The following PHYHIPL variants were observed in gnomAD, a reference collection of about 807,000 sequenced individuals.
PHYHIPL encodes phytanoyl-CoA 2-hydroxylase interacting protein like.
In PHYHIPL, 9 loss-of-function variants were observed where a neutral mutation model predicts 33.4. The ratio of observed to expected loss-of-function variants is 0.27; its 90% CI spans 0.16 to 0.47. The LOEUF is 0.47. PHYHIPL is among the 20% of genes least tolerant of loss of function. The pLI is 0.99. For synonymous variants in PHYHIPL, 153 were observed against 154.1 expected (o/e 0.99, Z 0.05); for missense variants, 365 against 460.7 (o/e 0.79, Z 1.90).
chr10:59,176,742 G>C lies in PHYHIPL; in HGVS notation c.-112G>C. 1.0e-6 allele frequency: 1 copy of C among 977,746 alleles called. No homozygotes were observed. Among genetic ancestry groups the C allele is most frequent in the Non-Finnish European group, 1.5e-6 (1 of 667,044 alleles). The allele number at this position is 977,746 out of a possible 1,614,324, so 60.6% of individuals were successfully genotyped here. ...TCGGCGCCGCATCACCGCGTCCCAG[G>C]CCTCCTTCCCTCCCTCTGCCACTCC... is the stretch of plus-strand genomic sequence containing the variant. On this transcript the variant is annotated 5_prime_UTR_variant, in exon 1 of 5. Transcript: ENST00000373880.
intron 1 of PHYHIPL, among the ~76,000 whole-genome samples, chr10:59,224,507 C>CA (rs915830217): frequency 1.3e-5 from 2 of 151,298 alleles, no homozygotes; most frequent in Admixed American, 6.6e-5. Flanking sequence ...AAAAACAAAA[C>CA]AAAAAACAAA....
Position 59,195,560 on chromosome 10 carries a change from T to C in PHYHIPL, c.106+18601T>C, listed in dbSNP as rs1838888727. ...ATGTCTTCAGAGATAAGGATATTCT[T>C]TTCCTCCAGGTATAGGGAGGCCATC... On this transcript the variant is annotated intron_variant, in intron 1 of 4. Transcript: ENST00000373880. Among the ~76,000 whole-genome samples the C allele has an allele frequency of 2.0e-5, 3 of 152,170 alleles. No homozygotes were observed. In the South Asian group the frequency reaches 6.2e-4, roughly 32 times the overall value.
intron 4 of PHYHIPL, among the ~76,000 whole-genome samples, chr10:59,243,170 T>C (rs768076004): frequency 2.6e-5 from 4 of 150,952 alleles, no homozygotes; most frequent in Non-Finnish European, 5.9e-5. Context: ...CAAGACACCT[T>C]ATGTATAAGG....
intron 2 of PHYHIPL, 120 bp downstream of exon 2, chr10:59,234,620 AAAT>A: frequency 1.6e-6 from 1 of 624,148 alleles, no homozygotes; most frequent in East Asian, 3.5e-5. Flanking sequence ...ACTTGGGAAA[AAAT>A]AAAGATTATA....
chr10:59,231,763 G>A (rs1403062922), intron 1 of PHYHIPL, among the ~76,000 whole-genome samples: 1 of 151,986 alleles, frequency 6.6e-6, no homozygotes, highest in Non-Finnish European at 1.5e-5. Flanking sequence ...TTTAATCCCT[G>A]ATAGTAGAGA....
Position 59,245,965 on chromosome 10 carries a change from T to C in PHYHIPL, c.*374T>C, listed in dbSNP as rs183135127. On this transcript the variant is annotated 3_prime_UTR_variant, in exon 5 of 5. Coordinates refer to ENST00000373880, the MANE Select transcript of PHYHIPL (RefSeq NM_032439.4). Reference sequence around the variant, plus strand: ...TAAATATGCATTCATTTTAATCTACTGAACAAATATTGGGATAACTCCAAA... The same window carrying C: ...TAAATATGCATTCATTTTAATCTACCGAACAAATATTGGGATAACTCCAAA... The C allele has an allele frequency of 2.8e-4, 47 of 169,040 alleles. No individual in the cohort carries two copies. The highest frequency in any genetic ancestry group is 5.0e-4 in the Non-Finnish European group (39 of 78,648). 10.5% of individuals were successfully genotyped at this position (169,040 alleles called of 1,614,324 possible).
chr10:59,199,018 C>G (rs1839014605), intron 1 of PHYHIPL, among the ~76,000 whole-genome samples: 1 of 152,086 alleles, frequency 6.6e-6, no homozygotes, highest in Admixed American at 6.6e-5. Context: ...CCTGTTCACT[C>G]TGATGGTAGT....
intron 1 of PHYHIPL, among the ~76,000 whole-genome samples, chr10:59,211,592 T>A (rs1839442324): frequency 7.4e-6 from 1 of 134,638 alleles, no homozygotes; most frequent in Non-Finnish European, 1.5e-5. Context: ...GTCAGGCTGG[T>A]CTAGAATTCC....
intron 1 of PHYHIPL, chr10:59,177,438 A>G (rs1353722090): frequency 1.1e-5 from 17 of 1,494,406 alleles, no homozygotes; most frequent in Non-Finnish European, 1.5e-5. Context: ...GACTCCCCAA[A>G]TTAACAAGTC....
At position 59,238,669 on chromosome 10, in the gene PHYHIPL, A is replaced by G; in HGVS notation, c.560A>G (p.Tyr187Cys). Reference protein sequence around the residue: ...AGRMLKFSVFYRNQHKEYFDY... With the variant: ...AGRMLKFSVFCRNQHKEYFDY... The stretch of plus-strand genomic sequence containing the variant: ...CGCATGCTTAAGTTTTCTGTTTTTT[A>G]TCGTAATCAGCACAAAGAATATTTT... The change falls in exon 4 of 5, where the codon TAT becomes TGT. Residue 187 changes from tyrosine (Y) to cysteine (C), a missense_variant. Physicochemically the swap from Tyr to Cys is radical, Grantham distance 194 (BLOSUM62 -2). This residue lies in a region of PHYHIPL where 196 missense variants were observed against 224.9 expected (regional missense o/e 0.87). Transcript: ENST00000373880. 6.2e-7 allele frequency: 1 copy of G among 1,602,672 alleles called. No homozygotes were observed. The highest frequency in any genetic ancestry group is 8.5e-7 in the Non-Finnish European group (1 of 1,170,136).
At position 59,247,176 on chromosome 10, in the gene PHYHIPL, A is replaced by G. The variant is rs891904859; in HGVS notation, c.*1585A>G. 6.2e-6 allele frequency: 1 copy of G among 162,110 alleles called. No individual in the cohort carries two copies. The highest frequency in any genetic ancestry group is 2.4e-5 in the African/African-American group (1 of 41,652). 10.0% of individuals were successfully genotyped at this position (162,110 alleles called of 1,614,324 possible). On this transcript the variant is annotated 3_prime_UTR_variant, in exon 5 of 5. Coordinates refer to ENST00000373880, the MANE Select transcript of PHYHIPL (RefSeq NM_032439.4). ...AATAAATTGCTTTCTTGCTAGCTGTATTCCTTCCTACTTGAAAAGCGAATT... is the reference window on the plus strand; with the variant it reads ...AATAAATTGCTTTCTTGCTAGCTGTGTTCCTTCCTACTTGAAAAGCGAATT...
At position 59,177,708 on chromosome 10, in the gene PHYHIPL, C is replaced by T; in HGVS notation, c.106+749C>T. 4 of 1,436,924 alleles carry T rather than the reference C, an allele frequency of 2.8e-6. No homozygotes were observed. The South Asian group carries it at 3.7e-5, about 13-fold the overall frequency. The allele number at this position is 1,436,924 out of a possible 1,614,324, so 89.0% of individuals were successfully genotyped here. ...GGAAGGAAATTGATTGAATACAGGTCTGAGCGTTGAAGACATAAGCTAGTG... is the reference window on the plus strand; with the variant it reads ...GGAAGGAAATTGATTGAATACAGGTTTGAGCGTTGAAGACATAAGCTAGTG... On this transcript the variant is annotated intron_variant, in intron 1 of 4. Transcript: ENST00000373880.
At chr10:59,199,356 C>T (rs967134786) in intron 1 of PHYHIPL, among the ~76,000 whole-genome samples, 4 of 152,102 alleles carry the variant, frequency 2.6e-5, no homozygotes, top group African/African-American at 9.7e-5. Context: ...TGTCAAAGAT[C>T]AGATGGTTGT....
At chr10:59,244,852 A>G (rs1445951202) in intron 4 of PHYHIPL, among the ~76,000 whole-genome samples, 1 of 152,186 alleles carries the variant, frequency 6.6e-6, no homozygotes, top group African/African-American at 2.4e-5. Context: ...CAAGGCTTGT[A>G]GCAGCTCATC....
At chr10:59,205,875 A>G in intron 1 of PHYHIPL, among the ~76,000 whole-genome samples, 1 of 152,286 alleles carries the variant, frequency 6.6e-6, no homozygotes. Context: ...CGTAATATAA[A>G]TTCCTTAATA....
chr10:59,183,638 A>G (rs1838476756), intron 1 of PHYHIPL: 1 of 984,814 alleles, frequency 1.0e-6, no homozygotes, highest in African/African-American at 1.7e-5. Flanking sequence ...TTACAAATGT[A>G]ACTAAGAGCT....
At chr10:59,204,799 C>T (rs144060919) in intron 1 of PHYHIPL, among the ~76,000 whole-genome samples, 137 of 151,206 alleles carry the variant, frequency 9.1e-4, no homozygotes, top group African/African-American at 3.1e-3. Context: ...ATCATTCACT[C>T]AACAAATATT....
At position 59,234,468 on chromosome 10, in the gene PHYHIPL, G is replaced by C. The variant is rs1840167116; in HGVS notation, c.271G>C (p.Glu91Gln). 6.4e-7 allele frequency: 1 copy of C among 1,564,402 alleles called. No individual in the cohort carries two copies. ...THYFIDLNKKENKNSNKFKHK... is the reference protein window; with the variant it reads ...THYFIDLNKKQNKNSNKFKHK... Reference sequence around the variant, plus strand: ...CTATTTTATTGACCTCAACAAGAAAGAGAACAAGAACTCCAATAAATTTAA... The same window carrying C: ...CTATTTTATTGACCTCAACAAGAAACAGAACAAGAACTCCAATAAATTTAA... The change falls in exon 2 of 5, where the codon GAG (glutamate) becomes CAG (glutamine). Residue 91 changes from glutamate (E) to glutamine (Q), a missense_variant. Glu to Gln is a conservative substitution (Grantham distance 29). This residue lies in a region of PHYHIPL where 63 missense variants were observed against 119.3 expected (regional missense o/e 0.53). Transcript: ENST00000373880.
rs778651925 is a variant in PHYHIPL at position 59,236,461 on chromosome 10, C to T, written c.304-22C>T. On this transcript the variant is annotated intron_variant, in intron 2 of 4. Coordinates refer to ENST00000373880, the MANE Select transcript of PHYHIPL (RefSeq NM_032439.4). ...TCTGTCTCCCCTCATTTTTCTCTCTCTCTTCCTTCTTTCATTCCTAGGATG... is the reference window on the plus strand; with the variant it reads ...TCTGTCTCCCCTCATTTTTCTCTCTTTCTTCCTTCTTTCATTCCTAGGATG... 6.2e-6 allele frequency: 9 copies of T among 1,451,056 alleles called. No homozygotes were observed. In the Admixed American group the frequency reaches 6.3e-5, roughly 10 times the overall value. The allele number at this position is 1,451,056 out of a possible 1,614,324, so 89.9% of individuals were successfully genotyped here. A position where few individuals can be genotyped will look rare whatever the true frequency, so the allele number is the denominator to read the frequency against.
Sources: gnomAD v4.1 joint callset for allele counts (sites outside exome capture counted in the v4.1 genomes callset) on GRCh38, gnomAD v4.1.1 for gene constraint, gnomAD v4.1.1 regional missense constraint, MANE v1.5 for transcripts, NCBI Gene and HGNC (gene_info 2026-07-23, HGNC 2026-07-21) for gene names.